Variants in LYZL4 observed in about 807,000 individuals in gnomAD.
LYZL4 encodes the protein lysozyme like 4.
LYZL4 carries 13 observed loss-of-function variants against 17.6 expected under a neutral mutation model. That is an observed-to-expected ratio of 0.74 (90% CI 0.48 to 1.18). The LOEUF is 1.18. Ranked by LOEUF, LYZL4 falls within the 50% of genes most tolerant of loss-of-function variation. The pLI is 0.00. For missense variants in LYZL4, 174 were observed against 188.2 expected (o/e 0.92, Z 0.44); for synonymous variants, 64 against 67.7 (o/e 0.95, Z 0.27).
chr3:42,365,657 G>T, the LYZL4 span, among the ~76,000 whole-genome samples: 16 of 152,240 alleles, frequency 1.1e-4, no homozygotes, highest in East Asian at 3.1e-3. Flanking sequence ...AAGGGGCAGG[G>T]TGATTTAGTC....
At chr3:42,383,439 CA>C in the LYZL4 span, among the ~76,000 whole-genome samples, 26,582 of 108,804 alleles carry the variant, frequency 0.24, 2,645 homozygotes, top group African/African-American at 0.36. Flanking sequence ...TGATTTCCAC[CA>C]AAAAAAAAAA....
chr3:42,394,714 G>A (rs530941865), downstream of LYZL4, among the ~76,000 whole-genome samples: 8 of 152,262 alleles, frequency 5.3e-5, no homozygotes, highest in South Asian at 2.1e-4. Flanking sequence ...TGGGCAACCC[G>A]AGAGAGGCTG....
chr3:42,380,297 T>A, the LYZL4 span, among the ~76,000 whole-genome samples: 4 of 152,346 alleles, frequency 2.6e-5, no homozygotes, highest in South Asian at 8.3e-4. Flanking sequence ...TAACTGGGAA[T>A]CTTGTGAGTG....
the LYZL4 span, among the ~76,000 whole-genome samples, chr3:42,379,948 C>A: frequency 6.6e-6 from 1 of 152,140 alleles, no homozygotes; most frequent in African/African-American, 2.4e-5. Flanking sequence ...CTCCTTCCTG[C>A]CATATGAGCA....
At chr3:42,366,679 C>T in the LYZL4 span, among the ~76,000 whole-genome samples, 8 of 152,244 alleles carry the variant, frequency 5.3e-5, no homozygotes, top group Non-Finnish European at 1.0e-4. Flanking sequence ...ATCCCAGCAG[C>T]CATGGCTTGG....
chr3:42,394,286 A>G (rs565530370), downstream of LYZL4, among the ~76,000 whole-genome samples: 13 of 152,222 alleles, frequency 8.5e-5, no homozygotes, highest in Admixed American at 2.0e-4. Context: ...TTAAAAAACT[A>G]GAGACCCAAT....
At chr3:42,381,012 G>A in the LYZL4 span, among the ~76,000 whole-genome samples, 6 of 152,342 alleles carry the variant, frequency 3.9e-5, no homozygotes, top group South Asian at 8.3e-4. Flanking sequence ...TGCTTCTGAG[G>A]GTAGCTCAGT....
downstream of LYZL4, among the ~76,000 whole-genome samples, chr3:42,393,850 G>A (rs185536594): frequency 3.9e-5 from 6 of 152,286 alleles, no homozygotes; most frequent in African/African-American, 1.2e-4. Context: ...GGAGCGCAGT[G>A]GCGTGATCTC....
At chr3:42,391,235 G>A in the LYZL4 span, among the ~76,000 whole-genome samples, 1 of 152,186 alleles carries the variant, frequency 6.6e-6, no homozygotes, top group Non-Finnish European at 1.5e-5. Context: ...ATTTTTGTAT[G>A]TGAATTTGGA....
the LYZL4 span, among the ~76,000 whole-genome samples, chr3:42,370,727 C>CA: frequency 1.3e-5 from 2 of 152,206 alleles, no homozygotes; most frequent in African/African-American, 4.8e-5. Flanking sequence ...GCTTTTCTTT[C>CA]AAATCTTCAG....
At chr3:42,381,292 A>T in the LYZL4 span, among the ~76,000 whole-genome samples, 1 of 134,896 alleles carries the variant, frequency 7.4e-6, no homozygotes, top group Non-Finnish European at 1.6e-5. Context: ...CTATACCAAG[A>T]CCTGCATGAA....
chr3:42,390,674 T>C, the LYZL4 span, among the ~76,000 whole-genome samples: 1 of 152,146 alleles, frequency 6.6e-6, no homozygotes, highest in East Asian at 1.9e-4. Flanking sequence ...CTGCTTGCAA[T>C]ACTTCTGCCA....
At chr3:42,389,070 T>C in the LYZL4 span, among the ~76,000 whole-genome samples, 39 of 152,356 alleles carry the variant, frequency 2.6e-4, no homozygotes, top group African/African-American at 8.4e-4. Context: ...AGACATTGTC[T>C]ATTGGCATCC....
At chr3:42,377,593 C>T in the LYZL4 span, among the ~76,000 whole-genome samples, 1 of 149,292 alleles carries the variant, frequency 6.7e-6, no homozygotes, top group Non-Finnish European at 1.5e-5. Context: ...ATTACCAGAA[C>T]ATGTTTCCAT....
the LYZL4 span, among the ~76,000 whole-genome samples, chr3:42,362,507 A>T: frequency 6.6e-6 from 1 of 152,220 alleles, no homozygotes; most frequent in South Asian, 2.1e-4. Flanking sequence ...CCCAAGATCA[A>T]GGCACTAGCT....
At chr3:42,365,703 T>C in the LYZL4 span, among the ~76,000 whole-genome samples, 1 of 152,176 alleles carries the variant, frequency 6.6e-6, no homozygotes, top group South Asian at 2.1e-4. Flanking sequence ...TGTGGATATA[T>C]ACTACTACTA....
chr3:42,379,257 T>A, the LYZL4 span, among the ~76,000 whole-genome samples: 1 of 152,152 alleles, frequency 6.6e-6, no homozygotes, highest in Non-Finnish European at 1.5e-5. Flanking sequence ...TGGCTGTTCA[T>A]TCTTCTCCAC....
the LYZL4 span, among the ~76,000 whole-genome samples, chr3:42,365,315 G>A: frequency 2.6e-4 from 40 of 152,214 alleles, no homozygotes; most frequent in Admixed American, 1.5e-3. Flanking sequence ...CTTAAAGGGT[G>A]TATCAGTCAC....
chr3:42,380,366 T>C, the LYZL4 span, among the ~76,000 whole-genome samples: 1 of 152,252 alleles, frequency 6.6e-6, no homozygotes. Context: ...TTTATGTTCA[T>C]GATCTTTCTG....
Sources: allele counts gnomAD v4.1 joint callset (sites outside exome capture counted in the v4.1 genomes callset), GRCh38; gene constraint gnomAD v4.1.1; transcripts MANE v1.5; gene names NCBI Gene and HGNC (gene_info 2026-07-23, HGNC 2026-07-21).